Variants in MEI4 observed in about 807,000 individuals in gnomAD.
MEI4 encodes the protein meiotic double-stranded break formation protein 4, also known as meiosis-specific protein MEI4.
MEI4 carries 27 observed loss-of-function variants against 31.4 expected under a neutral mutation model. The ratio of observed to expected loss-of-function variants is 0.86; its 90% CI spans 0.63 to 1.19. MEI4 has a LOEUF of 1.19. Among genes scored for constraint, MEI4 ranks in the 50% most tolerant of loss-of-function variants. The pLI is 0.00. For synonymous variants in MEI4, 122 were observed against 145.4 expected (o/e 0.84, Z 1.16); for missense variants, 329 against 398.9 (o/e 0.82, Z 1.49).
chr6:77,836,217 G>T (rs1770216339), intron 4 of MEI4, among the ~76,000 whole-genome samples: 1 of 152,062 alleles, frequency 6.6e-6, no homozygotes, highest in Non-Finnish European at 1.5e-5. Flanking sequence ...TCACAGAAAT[G>T]TTTTTCTCCG....
intron 4 of MEI4, among the ~76,000 whole-genome samples, chr6:77,916,266 C>T (rs552916541): frequency 1.8e-4 from 28 of 151,898 alleles, no homozygotes; most frequent in Non-Finnish European, 3.1e-4. Context: ...AATTTATTTT[C>T]CATAATAAAT....
At chr6:77,657,352 TTCCAACTGGGA>T (rs1271487917) in intron 1 of MEI4, among the ~76,000 whole-genome samples, 1 of 152,246 alleles carries the variant, frequency 6.6e-6, no homozygotes, top group Non-Finnish European at 1.5e-5. Context: ...TTATTAGGTT[TTCCAACTGGGA>T]TCCATCACTT....
intron 4 of MEI4, among the ~76,000 whole-genome samples, chr6:77,915,414 G>T (rs574055651): frequency 6.6e-6 from 1 of 152,034 alleles, no homozygotes; most frequent in African/African-American, 2.4e-5. Flanking sequence ...TGTTATTCTT[G>T]ACTGGCAGGT....
intron 2 of MEI4, among the ~76,000 whole-genome samples, chr6:77,726,649 G>A (rs1430377893): frequency 6.6e-6 from 1 of 152,116 alleles, no homozygotes; most frequent in Non-Finnish European, 1.5e-5. Flanking sequence ...CCGTGTAATA[G>A]GCCTGGTGTA....
intron 3 of MEI4, among the ~76,000 whole-genome samples, chr6:77,786,519 CATT>C (rs1768740327): frequency 1.3e-5 from 2 of 152,082 alleles, no homozygotes; most frequent in South Asian, 2.1e-4. Context: ...GGATGTCAAA[CATT>C]ATTCCTTCTA....
At chr6:77,834,817 C>T (rs927732987) in intron 4 of MEI4, among the ~76,000 whole-genome samples, 10 of 151,874 alleles carry the variant, frequency 6.6e-5, no homozygotes, top group African/African-American at 2.4e-4. Flanking sequence ...TGACCCCTTT[C>T]CCCCGCTCTC....
intron 2 of MEI4, among the ~76,000 whole-genome samples, chr6:77,705,715 A>C (rs1004716063): frequency 1.3e-5 from 2 of 152,182 alleles, no homozygotes; most frequent in Non-Finnish European, 2.9e-5. Flanking sequence ...AAGGGGAATT[A>C]TTACATTTTT....
intron 4 of MEI4, among the ~76,000 whole-genome samples, chr6:77,884,948 T>C (rs180787045): frequency 6.6e-6 from 1 of 152,278 alleles, no homozygotes; most frequent in African/African-American, 2.4e-5. Flanking sequence ...TTGAGTAGTA[T>C]GGTCATTTTA....
chr6:77,750,743 C>G (rs972148625), intron 2 of MEI4, among the ~76,000 whole-genome samples: 3 of 152,064 alleles, frequency 2.0e-5, no homozygotes, highest in Non-Finnish European at 4.4e-5. Context: ...ATATCCAGGA[C>G]TTGAACTTAG....
chr6:77,804,199 C>T (rs548407681), intron 3 of MEI4, among the ~76,000 whole-genome samples: 7 of 152,262 alleles, frequency 4.6e-5, no homozygotes, highest in Admixed American at 6.5e-5. Flanking sequence ...GCCTCGCTAC[C>T]GCCTTGCAGT....
chr6:77,852,533 T>C (rs1770649051), intron 4 of MEI4, among the ~76,000 whole-genome samples: 1 of 151,920 alleles, frequency 6.6e-6, no homozygotes, highest in Non-Finnish European at 1.5e-5. Flanking sequence ...AGTAACCAAC[T>C]TTTATTTTTT....
chr6:77,800,035 G>T (rs1254279503), intron 3 of MEI4, among the ~76,000 whole-genome samples: 1 of 152,154 alleles, frequency 6.6e-6, no homozygotes. Context: ...TGTGAAGAAA[G>T]TCATTGGTAG....
At chr6:77,659,186 C>G (rs71563050) in intron 1 of MEI4, among the ~76,000 whole-genome samples, 1 of 151,880 alleles carries the variant, frequency 6.6e-6, no homozygotes, top group Non-Finnish European at 1.5e-5. Context: ...AGTCCTAAAC[C>G]GACCATCAAG....
At chr6:77,840,576 A>T (rs1326296370) in intron 4 of MEI4, among the ~76,000 whole-genome samples, 1 of 152,010 alleles carries the variant, frequency 6.6e-6, no homozygotes, top group African/African-American at 2.4e-5. Context: ...ACTAAAGATA[A>T]TTCTTTCTCC....
intron 3 of MEI4, among the ~76,000 whole-genome samples, chr6:77,824,007 C>T (rs539904257): frequency 9.9e-5 from 15 of 152,140 alleles, no homozygotes; most frequent in African/African-American, 3.1e-4. Context: ...TTTATGGATC[C>T]CCTATGGACT....
chr6:77,883,743 T>TATATATATATATATATATAA (rs1194476390), intron 4 of MEI4, among the ~76,000 whole-genome samples: 1 of 131,718 alleles, frequency 7.6e-6, no homozygotes, highest in Non-Finnish European at 1.5e-5. Context: ...TATATATATA[T>TATATATATATATATATATAA]AACTTTGTCT....
At chr6:77,707,516 C>T (rs1306711066) in intron 2 of MEI4, among the ~76,000 whole-genome samples, 1 of 152,170 alleles carries the variant, frequency 6.6e-6, no homozygotes, top group African/African-American at 2.4e-5. Flanking sequence ...AGAGCGTTTT[C>T]ATGGGAGGAA....
At chr6:77,825,043 G>A (rs181922219) in intron 3 of MEI4, among the ~76,000 whole-genome samples, 57 of 152,034 alleles carry the variant, frequency 3.7e-4, no homozygotes, top group Non-Finnish European at 2.8e-4. Context: ...ACAGAATTCA[G>A]TTGTGAGCTT....
At chr6:77,872,080 G>C (rs1193698868) in intron 4 of MEI4, among the ~76,000 whole-genome samples, 1 of 152,128 alleles carries the variant, frequency 6.6e-6, no homozygotes. Context: ...AAGGAAACAG[G>C]AAAAACATGG....
Sources: allele counts gnomAD v4.1 joint callset (sites outside exome capture counted in the v4.1 genomes callset), GRCh38; gene constraint gnomAD v4.1.1; transcripts MANE v1.5; gene names NCBI Gene and HGNC (gene_info 2026-07-23, HGNC 2026-07-21).